BTRC: variants seen among roughly 807,000 people sequenced by gnomAD.
BTRC encodes beta-transducin repeat containing E3 ubiquitin protein ligase.
Under a neutral mutation model 85.5 loss-of-function variants are expected in BTRC, and 42 were observed. The observed-to-expected ratio is 0.49, with a 90% CI of 0.38 to 0.64. The LOEUF (loss-of-function observed/expected upper bound fraction) is 0.64, where lower values mean the gene tolerates loss of function less well. Among genes scored for constraint, BTRC ranks in the 30% least tolerant of loss-of-function variants. The pLI is 0.00. For missense variants in BTRC, 594 were observed against 743.5 expected (o/e 0.80, Z 2.34); for synonymous variants, 255 against 263.3 (o/e 0.97, Z 0.30).
At chr10:101,379,164 G>C (rs1942866783) in intron 1 of BTRC, among the ~76,000 whole-genome samples, 1 of 152,138 alleles carries the variant, frequency 6.6e-6, no homozygotes, top group African/African-American at 2.4e-5. Flanking sequence ...AATCAGAAAG[G>C]ATTGCTTCCA....
intron 1 of BTRC, among the ~76,000 whole-genome samples, chr10:101,379,902 A>G (rs796496944): frequency 2.0e-5 from 3 of 152,312 alleles, no homozygotes; most frequent in African/African-American, 7.2e-5. Context: ...AAATACAATA[A>G]AGCCCTTTTT....
At chr10:101,369,970 A>C (rs1420120814) in intron 1 of BTRC, among the ~76,000 whole-genome samples, 9 of 152,096 alleles carry the variant, frequency 5.9e-5, no homozygotes, top group African/African-American at 2.2e-4. Flanking sequence ...CCAAAACCCC[A>C]TGTCAGATTG....
chr10:101,513,408 C>G (rs1326735549), intron 4 of BTRC, among the ~76,000 whole-genome samples: 1 of 152,076 alleles, frequency 6.6e-6, no homozygotes, highest in Non-Finnish European at 1.5e-5. Flanking sequence ...TTCATTGTCC[C>G]AAAAACATCC....
chr10:101,509,223 G>A (rs1024952645), intron 4 of BTRC, among the ~76,000 whole-genome samples: 1 of 141,344 alleles, frequency 7.1e-6, no homozygotes, highest in East Asian at 2.2e-4. Flanking sequence ...CTCAATTCAA[G>A]CATGACAGTG....
intron 4 of BTRC, among the ~76,000 whole-genome samples, chr10:101,506,120 G>C (rs1386823363): frequency 6.6e-6 from 1 of 152,096 alleles, no homozygotes; most frequent in African/African-American, 2.4e-5. Flanking sequence ...CACCATGTTG[G>C]TCAGGCTGAT....
intron 7 of BTRC, 92 bp from the exon 8 acceptor site, chr10:101,532,203 A>C: frequency 7.3e-7 from 1 of 1,370,592 alleles, no homozygotes. Flanking sequence ...CCATAGAGTA[A>C]AGCATTGAGC....
At chr10:101,505,279 C>T (rs1365696184) in intron 4 of BTRC, among the ~76,000 whole-genome samples, 1 of 149,384 alleles carries the variant, frequency 6.7e-6, no homozygotes, top group Non-Finnish European at 1.5e-5. Flanking sequence ...GCTGGGATTA[C>T]AGGCATGAGC....
At chr10:101,479,269 A>T (rs1425396875) in intron 3 of BTRC, 99 bp from the exon 4 acceptor site, 2 of 837,522 alleles carry the variant, frequency 2.4e-6, no homozygotes, top group African/African-American at 3.4e-5. Flanking sequence ...GATAAAATCT[A>T]TTTGTGTTTT....
intron 1 of BTRC, among the ~76,000 whole-genome samples, chr10:101,379,290 A>G (rs1239788557): frequency 6.6e-6 from 1 of 152,242 alleles, no homozygotes; most frequent in Non-Finnish European, 1.5e-5. Context: ...CCTCATCAAT[A>G]AACTACATAC....
At position 101,382,129 on chromosome 10, in the gene BTRC, C is replaced by T. The variant is rs551350175; in HGVS notation, c.48+27901C>T. Among the ~76,000 whole-genome samples, 5 of 151,494 alleles carry T rather than the reference C, an allele frequency of 3.3e-5. No individual in the cohort carries two copies. In the South Asian group the frequency reaches 6.3e-4, roughly 19 times the overall value. On this transcript the variant is annotated intron_variant, in intron 1 of 14. Coordinates refer to ENST00000370187, the MANE Select transcript of BTRC (RefSeq NM_033637.4). ...TCCTGAGTAGCTGTTATTACAGGCA[C>T]CTGCCACCACGCCCGGTTAATTTTT... is the stretch of plus-strand genomic sequence containing the variant.
chr10:101,541,385 G>T (rs2062466287), intron 13 of BTRC, among the ~76,000 whole-genome samples: 1 of 151,706 alleles, frequency 6.6e-6, no homozygotes, highest in African/African-American at 2.4e-5. Flanking sequence ...TCAGCTTCCT[G>T]AGTAGCTGGG....
At chr10:101,523,221 A>T (rs1030146690) in intron 5 of BTRC, among the ~76,000 whole-genome samples, 6 of 152,178 alleles carry the variant, frequency 3.9e-5, no homozygotes, top group Non-Finnish European at 7.3e-5. Context: ...AAATAAATAA[A>T]TAAATAGATA....
chr10:101,500,647 G>A (rs1946377889), intron 4 of BTRC, among the ~76,000 whole-genome samples: 1 of 152,098 alleles, frequency 6.6e-6, no homozygotes, highest in Non-Finnish European at 1.5e-5. Flanking sequence ...CTTCAAGAAG[G>A]CATTACTAGG....
At chr10:101,505,613 C>T (rs1171370061) in intron 4 of BTRC, among the ~76,000 whole-genome samples, 1 of 146,304 alleles carries the variant, frequency 6.8e-6, no homozygotes, top group Non-Finnish European at 1.5e-5. Context: ...GAGCGAGACT[C>T]CGTCTCAAAA....
chr10:101,533,164 C>A (rs1002031124), intron 9 of BTRC, 94 bp downstream of exon 9: 1 of 835,322 alleles, frequency 1.2e-6, no homozygotes, highest in Non-Finnish European at 1.9e-6. Flanking sequence ...CGGCACAGTT[C>A]TGAAACTAAA....
intron 5 of BTRC, among the ~76,000 whole-genome samples, chr10:101,525,575 G>A (rs994488851): frequency 3.3e-5 from 5 of 151,832 alleles, no homozygotes; most frequent in Non-Finnish European, 5.9e-5. Context: ...TTCTTTTACC[G>A]AACAGCTTTG....
chr10:101,492,906 C>A (rs1177328461), intron 4 of BTRC, among the ~76,000 whole-genome samples: 1 of 152,048 alleles, frequency 6.6e-6, no homozygotes, highest in East Asian at 1.9e-4. Context: ...GCTACTGTCT[C>A]AACATTATAA....
At chr10:101,401,045 T>C (rs1943480303) in intron 1 of BTRC, among the ~76,000 whole-genome samples, 1 of 152,162 alleles carries the variant, frequency 6.6e-6, no homozygotes. Flanking sequence ...GGTAGTGTAG[T>C]TATTTCAAAT....
chr10:101,408,358 A>C (rs1294751944), intron 1 of BTRC, among the ~76,000 whole-genome samples: 3 of 151,918 alleles, frequency 2.0e-5, no homozygotes, highest in Non-Finnish European at 4.4e-5. Context: ...CCAGGCTGAA[A>C]TGCAGTGGAG....
Sources: allele counts gnomAD v4.1 joint callset (sites outside exome capture counted in the v4.1 genomes callset), GRCh38; gene constraint gnomAD v4.1.1; transcripts MANE v1.5; gene names NCBI Gene and HGNC (gene_info 2026-07-23, HGNC 2026-07-21).